The following SMYD3 variants were observed in gnomAD, a reference collection of about 807,000 sequenced individuals.
SMYD3 encodes SET and MYND domain containing 3, also known as histone-lysine N-methyltransferase SMYD3.
In SMYD3, 36 loss-of-function variants were observed where a neutral mutation model predicts 57.7. That is an observed-to-expected ratio of 0.62 (90% CI 0.48 to 0.82). SMYD3 has a LOEUF of 0.82. SMYD3 is among the 40% of genes least tolerant of loss of function. The pLI is 0.00. For missense variants in SMYD3, 515 were observed against 538.8 expected, an observed-to-expected ratio of 0.96 and a Z score of 0.44; for synonymous variants, 211 against 195.0, an observed-to-expected ratio of 1.08 and a Z score of -0.68.
intron 5 of SMYD3, among the ~76,000 whole-genome samples, chr1:246,072,850 G>GA (rs1391065261): frequency 1.3e-5 from 2 of 152,146 alleles, no homozygotes; most frequent in Non-Finnish European, 2.9e-5. Flanking sequence ...CCAAGTACAC[G>GA]CATTATCACA....
At chr1:246,187,753 GAATT>G (rs2062665127) in intron 5 of SMYD3, among the ~76,000 whole-genome samples, 1 of 152,158 alleles carries the variant, frequency 6.6e-6, no homozygotes, top group African/African-American at 2.4e-5. Context: ...AGAAAACTAT[GAATT>G]AAACAAACAA....
Position 246,097,040 on chromosome 1 carries a change from G to A in SMYD3, c.532-167103C>T, listed in dbSNP as rs116912993. Among the ~76,000 whole-genome samples, 864 of 152,118 alleles carry A rather than the reference G, an allele frequency of 5.7e-3. 25 individuals carry two copies. Among genetic ancestry groups the A allele is most frequent in the East Asian group, 0.033 (171 of 5,174 alleles). On this transcript the variant is annotated intron_variant, in intron 5 of 11. Coordinates refer to ENST00000490107, the MANE Select transcript of SMYD3 (RefSeq NM_001167740.2). Reference sequence around the variant, plus strand: ...CATGCAATTTACAGTTTCTGCATAGGGTCATTAAAAATTCTTTCATTACAA... The same window carrying A: ...CATGCAATTTACAGTTTCTGCATAGAGTCATTAAAAATTCTTTCATTACAA...
intron 1 of SMYD3, among the ~76,000 whole-genome samples, chr1:246,489,563 C>T (rs1007369057): frequency 2.6e-5 from 4 of 152,012 alleles, no homozygotes; most frequent in Admixed American, 1.3e-4. Context: ...TTGCTCTATT[C>T]GACAGCGATT....
intron 5 of SMYD3, among the ~76,000 whole-genome samples, chr1:245,986,658 G>A (rs1368038743): frequency 2.0e-5 from 3 of 152,206 alleles, no homozygotes; most frequent in South Asian, 2.1e-4. Flanking sequence ...CTCCCTGTAC[G>A]TTATCAAAGA....
At chr1:245,771,374 A>G (rs2046330492) in intron 10 of SMYD3, among the ~76,000 whole-genome samples, 1 of 152,246 alleles carries the variant, frequency 6.6e-6, no homozygotes, top group Non-Finnish European at 1.5e-5. Context: ...TGTACATTTG[A>G]AAATTTTCAT....
intron 5 of SMYD3, among the ~76,000 whole-genome samples, chr1:246,288,399 G>C (rs1231107044): frequency 2.0e-5 from 3 of 152,146 alleles, no homozygotes; most frequent in Admixed American, 1.3e-4. Flanking sequence ...CACAACAGGA[G>C]GGAAAACCCA....
chr1:245,802,810 C>A (rs528020632), intron 10 of SMYD3, among the ~76,000 whole-genome samples: 2 of 152,330 alleles, frequency 1.3e-5, no homozygotes, highest in South Asian at 4.1e-4. Context: ...GAAGACAGAA[C>A]CAGACTGGAA....
At chr1:246,357,168 T>G (rs1334876) in intron 1 of SMYD3, among the ~76,000 whole-genome samples, 150,002 of 152,312 alleles carry the variant, frequency 0.98, 73,873 homozygotes, top group East Asian at 1. Context: ...AGACTTACTG[T>G]GCTGCATTCC....
chr1:245,837,860 T>C (rs1402102658), intron 10 of SMYD3, among the ~76,000 whole-genome samples: 1 of 152,218 alleles, frequency 6.6e-6, no homozygotes, highest in Non-Finnish European at 1.5e-5. Context: ...GCATGAAATA[T>C]ACTTCACTGA....
intron 8 of SMYD3, among the ~76,000 whole-genome samples, chr1:245,869,374 G>C (rs1442938021): frequency 6.6e-6 from 1 of 152,114 alleles, no homozygotes; most frequent in Non-Finnish European, 1.5e-5. Flanking sequence ...GCATGACCCC[G>C]GGCAAGTCTT....
chr1:246,193,145 G>A (rs73143357), intron 5 of SMYD3, among the ~76,000 whole-genome samples: 2,711 of 152,202 alleles, frequency 0.018, 77 homozygotes, highest in African/African-American at 0.062. Context: ...CCCATTTATC[G>A]TCATATCTTG....
chr1:246,382,865 AG>A (rs1261693371), intron 1 of SMYD3, among the ~76,000 whole-genome samples: 2 of 151,986 alleles, frequency 1.3e-5, no homozygotes, highest in Admixed American at 1.3e-4. Context: ...TGGCCCCCAC[AG>A]ACTCAGGCTC....
intron 1 of SMYD3, among the ~76,000 whole-genome samples, chr1:246,408,129 C>A (rs2066898123): frequency 6.6e-6 from 1 of 152,014 alleles, no homozygotes; most frequent in Non-Finnish European, 1.5e-5. Context: ...GAAGCACCAC[C>A]TCTTAATATT....
At chr1:246,370,733 TA>T (rs1158982193) in intron 1 of SMYD3, among the ~76,000 whole-genome samples, 1 of 152,196 alleles carries the variant, frequency 6.6e-6, no homozygotes, top group Non-Finnish European at 1.5e-5. Context: ...CCATGGTTAC[TA>T]AAAACGGAAA....
At chr1:245,966,496 G>A (rs1300336143) in intron 5 of SMYD3, among the ~76,000 whole-genome samples, 1 of 152,046 alleles carries the variant, frequency 6.6e-6, no homozygotes, top group Non-Finnish European at 1.5e-5. Context: ...AGCATAACAT[G>A]GTATGCACAC....
chr1:245,768,371 A>G (rs1479912351), intron 10 of SMYD3, among the ~76,000 whole-genome samples: 7 of 152,242 alleles, frequency 4.6e-5, no homozygotes, highest in African/African-American at 9.6e-5. Context: ...GGAGGCTGAA[A>G]GTCAGGGAAC....
intron 1 of SMYD3, among the ~76,000 whole-genome samples, chr1:246,457,230 A>T (rs2067711058): frequency 6.6e-6 from 1 of 152,192 alleles, no homozygotes; most frequent in South Asian, 2.1e-4. Flanking sequence ...GAGAAAAAAT[A>T]AAAACATAAA....
chr1:246,046,425 T>C (rs945155245), intron 5 of SMYD3, among the ~76,000 whole-genome samples: 5 of 151,772 alleles, frequency 3.3e-5, no homozygotes, highest in Non-Finnish European at 7.4e-5. Flanking sequence ...AATTGAACAA[T>C]GAGAACACTT....
chr1:246,310,191 C>G (rs764713158), intron 5 of SMYD3, among the ~76,000 whole-genome samples: 16 of 147,772 alleles, frequency 1.1e-4, no homozygotes, highest in Non-Finnish European at 2.1e-4. Context: ...ATGAACAAGA[C>G]CTGCTTTTTT....
Sources: gnomAD v4.1 joint callset for allele counts (sites outside exome capture counted in the v4.1 genomes callset) on GRCh38, gnomAD v4.1.1 for gene constraint, MANE v1.5 for transcripts, NCBI Gene and HGNC (gene_info 2026-07-23, HGNC 2026-07-21) for gene names.